Variants in MAGI3 observed in about 807,000 individuals in gnomAD.
MAGI3 encodes the protein membrane-associated guanylate kinase, WW and PDZ domain-containing protein 3.
In MAGI3, 43 loss-of-function variants were observed where a neutral mutation model predicts 121.8. The observed-to-expected ratio is 0.35, with a 90% CI of 0.28 to 0.46. MAGI3 has a LOEUF of 0.46. Ranked by LOEUF, MAGI3 falls within the 20% of genes least tolerant of loss-of-function variation. The pLI, the probability that MAGI3 is intolerant of heterozygous loss-of-function variation, is 1.00. For synonymous variants in MAGI3, 553 were observed against 639.3 expected, an observed-to-expected ratio of 0.86 and a Z score of 2.04; for missense variants, 1,547 against 1,797.3, an observed-to-expected ratio of 0.86 and a Z score of 2.52.
intron 1 of MAGI3, among the ~76,000 whole-genome samples, chr1:113,466,957 A>G (rs1655319381): frequency 6.6e-6 from 1 of 151,286 alleles, no homozygotes; most frequent in Non-Finnish European, 1.5e-5. Context: ...TGCTCTAATC[A>G]TTATTATTTG....
chr1:113,547,478 A>G (rs1035148423), intron 1 of MAGI3, among the ~76,000 whole-genome samples: 1 of 152,200 alleles, frequency 6.6e-6, no homozygotes, highest in African/African-American at 2.4e-5. Flanking sequence ...ACAATGATGC[A>G]TTCTCTGTCC....
intron 1 of MAGI3, among the ~76,000 whole-genome samples, chr1:113,522,116 T>C (rs1390721481): frequency 6.8e-6 from 1 of 147,028 alleles, no homozygotes; most frequent in African/African-American, 2.4e-5. Flanking sequence ...TATTTATTTA[T>C]TTCTTTTTTG....
chr1:113,525,697 T>G (rs1242631110), intron 1 of MAGI3, among the ~76,000 whole-genome samples: 1 of 152,076 alleles, frequency 6.6e-6, no homozygotes, highest in African/African-American at 2.4e-5. Flanking sequence ...GGAGATAATT[T>G]GGGTTATGTG....
rs1658526066 is a variant in MAGI3 at position 113,527,875 on chromosome 1, A to G, written c.317-21640A>G. 2.0e-5 allele frequency among the ~76,000 whole-genome samples: 3 copies of G among 152,314 alleles called. No individual in the cohort carries two copies. In the East Asian group the frequency reaches 5.8e-4, roughly 29 times the overall value. ...GGAATTCTATATTTTTTCAACTATT[A>G]TGAAAATTTTCAAGCATACAGAAAA... is the stretch of plus-strand genomic sequence containing the variant. On this transcript the variant is annotated intron_variant, in intron 1 of 20. Coordinates refer to ENST00000307546, the MANE Select transcript of MAGI3 (RefSeq NM_001142782.2).
At chr1:113,589,804 C>T (rs1648586509) in intron 4 of MAGI3, among the ~76,000 whole-genome samples, 1 of 151,998 alleles carries the variant, frequency 6.6e-6, no homozygotes, top group Non-Finnish European at 1.5e-5. Flanking sequence ...AGACAGTACC[C>T]AAATTTTAGT....
chr1:113,454,871 C>T (rs917789644), intron 1 of MAGI3, among the ~76,000 whole-genome samples: 1 of 152,106 alleles, frequency 6.6e-6, no homozygotes, highest in Non-Finnish European at 1.5e-5. Context: ...TCATCCTTAT[C>T]AACCTTGAAA....
At chr1:113,624,946 A>G (rs1402270127) in intron 9 of MAGI3, among the ~76,000 whole-genome samples, 4 of 152,206 alleles carry the variant, frequency 2.6e-5, no homozygotes, top group African/African-American at 9.7e-5. Context: ...CAATTTTCCT[A>G]GAACCATTGA....
At chr1:113,570,249 C>T (rs1328565355) in intron 2 of MAGI3, among the ~76,000 whole-genome samples, 1 of 152,172 alleles carries the variant, frequency 6.6e-6, no homozygotes, top group Non-Finnish European at 1.5e-5. Flanking sequence ...GGATAGTATT[C>T]CATGGTGTCC....
rs1042040745 is a variant in MAGI3 at position 113,422,599 on chromosome 1, G to T, written c.316+31250G>T. ...GGTGGCGGGGCAGGCAGCTCCCGGC[G>T]CTGGCACAGGCGCCTGCTCCGTGCA... is the stretch of plus-strand genomic sequence containing the variant. On this transcript the variant is annotated intron_variant, in intron 1 of 20. Transcript: ENST00000307546. This position sits in a 1 kb window ranked among gnomAD's most constrained non-coding sequence, Gnocchi z 4.3. Among the ~76,000 whole-genome samples the T allele has an allele frequency of 7.9e-5, 12 of 152,228 alleles. No homozygotes were observed. Among genetic ancestry groups the T allele is most frequent in the African/African-American group, 2.9e-4 (12 of 41,466 alleles).
chr1:113,408,349 A>G (rs1651799864), intron 1 of MAGI3, among the ~76,000 whole-genome samples: 1 of 152,174 alleles, frequency 6.6e-6, no homozygotes, highest in Non-Finnish European at 1.5e-5. Context: ...AATAGCTAGT[A>G]GTGTGAAGGG....
chr1:113,639,582 T>C (rs1652316492), intron 9 of MAGI3, among the ~76,000 whole-genome samples: 2 of 152,084 alleles, frequency 1.3e-5, no homozygotes, highest in South Asian at 4.2e-4. Context: ...TTTTTCTTTT[T>C]TTGAGATGGA....
intron 1 of MAGI3, among the ~76,000 whole-genome samples, chr1:113,494,877 G>C (rs1279975031): frequency 6.6e-6 from 1 of 152,054 alleles, no homozygotes; most frequent in Admixed American, 6.6e-5. Flanking sequence ...GAACTAGCTA[G>C]ATTTTATTTG....
intron 6 of MAGI3, among the ~76,000 whole-genome samples, chr1:113,610,772 A>G (rs1247506406): frequency 6.6e-6 from 1 of 152,058 alleles, no homozygotes; most frequent in Non-Finnish European, 1.5e-5. Flanking sequence ...CCTGTCTACT[A>G]AAATACAAAA....
intron 1 of MAGI3, among the ~76,000 whole-genome samples, chr1:113,464,216 T>C (rs1356310654): frequency 1.3e-5 from 2 of 151,524 alleles, no homozygotes; most frequent in Non-Finnish European, 3.0e-5. Flanking sequence ...GAGATCCACT[T>C]TTTTGGCTCC....
In MAGI3 at chr1:113,391,139, G is replaced by A; in HGVS notation, c.106G>A (p.Gly36Ser). The part of the protein sequence containing the change: ...PGDFGAEIRG[G>S]AERGEFPYLG... The stretch of plus-strand genomic sequence containing the variant: ...CGACTTCGGCGCGGAGATCCGCGGT[G>A]GCGCGGAGCGTGGCGAGTTCCCCTA... Residue 36 changes from glycine to serine, a missense_variant, in exon 1 of 21, where the codon GGC becomes AGC. By Grantham distance (56) the Gly-to-Ser change is moderately conservative. Coordinates refer to ENST00000307546, the MANE Select transcript of MAGI3 (RefSeq NM_001142782.2). The surrounding 1 kb of genome is among the most constrained non-coding windows in gnomAD (Gnocchi z 4.4). 1 of 1,565,598 alleles carries A rather than the reference G, an allele frequency of 6.4e-7. No individual in the cohort carries two copies. The highest frequency in any genetic ancestry group is 8.7e-7 in the Non-Finnish European group (1 of 1,155,498).
At chr1:113,614,141 T>C (rs1650319430) in intron 6 of MAGI3, among the ~76,000 whole-genome samples, 1 of 152,168 alleles carries the variant, frequency 6.6e-6, no homozygotes, top group South Asian at 2.1e-4. Flanking sequence ...TCTAGATTGC[T>C]CACTTGAAAT....
intron 1 of MAGI3, among the ~76,000 whole-genome samples, chr1:113,510,571 C>G (rs962620101): frequency 6.6e-6 from 1 of 152,158 alleles, no homozygotes; most frequent in African/African-American, 2.4e-5. Context: ...AAGTTTTTCT[C>G]TACTTAGACT....
intron 1 of MAGI3, among the ~76,000 whole-genome samples, chr1:113,520,071 C>T (rs943722897): frequency 2.6e-5 from 4 of 152,134 alleles, no homozygotes; most frequent in Non-Finnish European, 5.9e-5. Flanking sequence ...GTCATACATC[C>T]ATGCCTGTTT....
chr1:113,408,046 G>A (rs750974933), intron 1 of MAGI3, among the ~76,000 whole-genome samples: 1 of 152,074 alleles, frequency 6.6e-6, no homozygotes, highest in Non-Finnish European at 1.5e-5. Context: ...TATTGGCAAG[G>A]CATTTGGATT....
Sources: allele counts gnomAD v4.1 joint callset (sites outside exome capture counted in the v4.1 genomes callset), GRCh38; gene constraint gnomAD v4.1.1; non-coding constraint Gnocchi (gnomAD v3.1); transcripts MANE v1.5; gene names NCBI Gene and HGNC (gene_info 2026-07-23, HGNC 2026-07-21).